MON2: variants seen among roughly 807,000 people sequenced by gnomAD.
The protein encoded by MON2 is MON2 regulator of endosome-to-Golgi trafficking.
MON2 carries 84 observed loss-of-function variants against 208.6 expected under a neutral mutation model. That is an observed-to-expected ratio of 0.40 (90% CI 0.34 to 0.48). The LOEUF is 0.48. Ranked by LOEUF, MON2 falls within the 20% of genes least tolerant of loss-of-function variation. The pLI, the probability that MON2 is intolerant of heterozygous loss-of-function variation, is 0.59. For missense variants in MON2, 1,611 were observed against 2,015.4 expected, an observed-to-expected ratio of 0.80 and a Z score of 3.84; for synonymous variants, 660 against 694.0, an observed-to-expected ratio of 0.95 and a Z score of 0.77.
At chr12:62,586,744 A>C (rs2075231975) in intron 33 of MON2, among the ~76,000 whole-genome samples, 1 of 152,172 alleles carries the variant, frequency 6.6e-6, no homozygotes, top group East Asian at 1.9e-4. Flanking sequence ...AAATGTGGTA[A>C]TAAGGTTGTT....
At chr12:62,564,519 A>G (rs1344887581) in intron 26 of MON2, among the ~76,000 whole-genome samples, 1 of 152,062 alleles carries the variant, frequency 6.6e-6, no homozygotes, top group African/African-American at 2.4e-5. Context: ...CAATTTAAGT[A>G]TTTTCAACAC....
At chr12:62,534,793 T>G in intron 12 of MON2, 52 bp from the exon 13 acceptor site, 2 of 1,303,212 alleles carry the variant, frequency 1.5e-6, no homozygotes, top group Non-Finnish European at 2.2e-6. Context: ...TATTAATACA[T>G]ATTGTGCTAT....
intron 30 of MON2, among the ~76,000 whole-genome samples, chr12:62,572,702 G>A (rs1051761664): frequency 2.0e-5 from 3 of 152,050 alleles, no homozygotes; most frequent in South Asian, 2.1e-4. Flanking sequence ...CTCCCACTTC[G>A]GCTTCACAAA....
At position 62,578,484 on chromosome 12, in the gene MON2, A is replaced by C. The variant is rs1219850251; in HGVS notation, c.4554A>C (p.Arg1518Ser). Residue 1518 changes from arginine to serine, a missense_variant, in exon 31 of 35, where the codon AGA becomes AGC. Physicochemically the swap from Arg to Ser is moderately radical, Grantham distance 110. Transcript: ENST00000393630. ...ATCTCTCTATTCAAGAGTTTCAAAG[A>C]AATGAAAATATTGATGTCGAGGTAA... ...PDNLSIQEFQ[R>S]NENIDVEVVQ... 1 of 1,502,604 alleles carries C rather than the reference A, an allele frequency of 6.7e-7. No homozygotes were observed. 93.1% of individuals were successfully genotyped at this position (1,502,604 alleles called of 1,614,324 possible).
chr12:62,587,379 TA>T (rs35377801), intron 33 of MON2, among the ~76,000 whole-genome samples: 23,806 of 147,226 alleles, frequency 0.16, 1,990 homozygotes, highest in African/African-American at 0.17. Flanking sequence ...CTAATTAGTT[TA>T]AAAAAAAAAA....
chr12:62,527,399 A>G (rs1249231926), intron 11 of MON2, among the ~76,000 whole-genome samples: 1 of 152,226 alleles, frequency 6.6e-6, no homozygotes, highest in African/African-American at 2.4e-5. Flanking sequence ...ATAGAGTCAT[A>G]GAAGACTGAA....
At chr12:62,486,267 G>C (rs2069785520) in intron 2 of MON2, among the ~76,000 whole-genome samples, 1 of 151,334 alleles carries the variant, frequency 6.6e-6, no homozygotes, top group Non-Finnish European at 1.5e-5. Context: ...AAAAAAGACT[G>C]ATTTCCTCAG....
At chr12:62,530,227 AT>A (rs144345618) in intron 11 of MON2, among the ~76,000 whole-genome samples, 11,512 of 126,148 alleles carry the variant, frequency 0.091, 437 homozygotes, top group African/African-American at 0.22. Flanking sequence ...CATCAGTATA[AT>A]TTTTTTTTTT....
intron 1 of MON2, among the ~76,000 whole-genome samples, chr12:62,476,344 C>T (rs1037626984): frequency 6.6e-5 from 10 of 152,096 alleles, no homozygotes; most frequent in Non-Finnish European, 1.5e-4. Flanking sequence ...TTTTACCTGA[C>T]ATCTGAAATC....
intron 21 of MON2, 81 bp downstream of exon 21, chr12:62,545,089 A>G (rs2073424507): frequency 1.2e-6 from 1 of 855,018 alleles, no homozygotes; most frequent in Non-Finnish European, 1.8e-6. Flanking sequence ...CTTATCAGGT[A>G]GATCATATTC....
intron 29 of MON2, 65 bp downstream of exon 29, chr12:62,566,515 G>T (rs1442762499): frequency 1.4e-6 from 2 of 1,391,802 alleles, no homozygotes; most frequent in Non-Finnish European, 2.0e-6. Flanking sequence ...TATTCCTTAG[G>T]TAATACATTA....
intron 1 of MON2, among the ~76,000 whole-genome samples, chr12:62,472,322 T>TG (rs897248047): frequency 6.6e-6 from 1 of 152,154 alleles, no homozygotes; most frequent in Non-Finnish European, 1.5e-5. Flanking sequence ...TAGAGGATGA[T>TG]GAAGTCCAGG....
intron 11 of MON2, among the ~76,000 whole-genome samples, chr12:62,528,790 G>A (rs1187437567): frequency 6.6e-6 from 1 of 152,142 alleles, no homozygotes; most frequent in African/African-American, 2.4e-5. Context: ...AGGCTAATTG[G>A]CCTGGGAAAG....
At chr12:62,537,845 G>A in intron 16 of MON2, 139 bp downstream of exon 16, 1 of 729,362 alleles carries the variant, frequency 1.4e-6, no homozygotes, top group Non-Finnish European at 2.2e-6. Context: ...AGTTAGAAAG[G>A]GAAAAAGATG....
intron 1 of MON2, chr12:62,470,915 G>A (rs1432797583): frequency 3.8e-5 from 8 of 208,880 alleles, no homozygotes; most frequent in African/African-American, 9.4e-5. Flanking sequence ...AGAGGGTATT[G>A]AGACTGAAGC....
chr12:62,520,498 T>C (rs2071968225), intron 8 of MON2, among the ~76,000 whole-genome samples: 1 of 152,194 alleles, frequency 6.6e-6, no homozygotes, highest in South Asian at 2.1e-4. Flanking sequence ...TACTGTTTGC[T>C]TTTTCAGTGA....
rs1386668043 is a variant in MON2, at chr12:62,600,443, A to C, written c.*7694A>C. The C allele has an allele frequency of 1.3e-5, 2 of 152,242 alleles. No individual in the cohort carries two copies. The highest frequency in any genetic ancestry group is 2.9e-5 in the Non-Finnish European group (2 of 68,038). The allele number at this position is 152,242 out of a possible 1,614,324, so 9.4% of individuals were successfully genotyped here. ...GCATATATAAAATAATACTGGATAC[A>C]AGACTATACAATTAAATACTGGTGT... On this transcript the variant is annotated 3_prime_UTR_variant, in exon 35 of 35. Transcript: ENST00000393630.
At chr12:62,526,146 G>C (rs768992803) in intron 11 of MON2, 44 bp downstream of exon 11, 1 of 1,569,110 alleles carries the variant, frequency 6.4e-7, no homozygotes, top group Non-Finnish European at 8.7e-7. Flanking sequence ...ATGTTGTTGG[G>C]GGTGATATTT....
intron 26 of MON2, 133 bp from the exon 27 acceptor site, chr12:62,565,104 G>A: frequency 1.2e-6 from 1 of 819,812 alleles, no homozygotes; most frequent in Non-Finnish European, 1.9e-6. Flanking sequence ...TGTCCTTTAG[G>A]GCTCAGAAAA....
Sources: gnomAD v4.1 joint callset for allele counts (sites outside exome capture counted in the v4.1 genomes callset) on GRCh38, gnomAD v4.1.1 for gene constraint, MANE v1.5 for transcripts, NCBI Gene and HGNC (gene_info 2026-07-23, HGNC 2026-07-21) for gene names.